The following ZSWIM5 variants were observed in gnomAD, a reference collection of about 807,000 sequenced individuals.
ZSWIM5 encodes the protein zinc finger SWIM domain-containing protein 5.
A neutral mutation model predicts 119.6 loss-of-function variants in ZSWIM5; 55 were observed. The observed-to-expected ratio is 0.46, with a 90% CI of 0.37 to 0.58. The LOEUF is 0.58. Among genes scored for constraint, ZSWIM5 ranks in the 20% least tolerant of loss-of-function variants. The pLI, the probability that ZSWIM5 is intolerant of heterozygous loss-of-function variation, is 0.00. For missense variants in ZSWIM5, 1,193 were observed against 1,512.8 expected (o/e 0.79, Z 3.51); for synonymous variants, 537 against 606.9 (o/e 0.88, Z 1.69).
intron 1 of ZSWIM5, among the ~76,000 whole-genome samples, chr1:45,160,989 A>ATTTTTTTTTTTTTTTTTTTTTTTTTT (rs534599856): frequency 1.4e-4 from 17 of 122,638 alleles, no homozygotes; most frequent in South Asian, 2.4e-4. Context: ...GCCCGGCTAA[A>ATTTTTTTTTTTTTTTTTTTTTTTTTT]TTTTTTTTTT....
intron 1 of ZSWIM5, among the ~76,000 whole-genome samples, chr1:45,181,198 C>T (rs1034719902): frequency 2.0e-5 from 3 of 151,942 alleles, no homozygotes; most frequent in Non-Finnish European, 2.9e-5. Context: ...AAAATTTAGA[C>T]GAATGAATAA....
At chr1:45,048,719 G>A (rs1226811082) in intron 5 of ZSWIM5, among the ~76,000 whole-genome samples, 1 of 152,166 alleles carries the variant, frequency 6.6e-6, no homozygotes, top group Non-Finnish European at 1.5e-5. Flanking sequence ...TTTTGAGGTT[G>A]AATGGCTAAG....
intron 11 of ZSWIM5, among the ~76,000 whole-genome samples, chr1:45,022,878 A>T (rs1215136966): frequency 6.6e-6 from 1 of 152,222 alleles, no homozygotes; most frequent in Non-Finnish European, 1.5e-5. Flanking sequence ...TATCTAATAC[A>T]ATGCCTATAC....
chr1:45,187,710 A>G (rs188464683), intron 1 of ZSWIM5, among the ~76,000 whole-genome samples: 2 of 152,338 alleles, frequency 1.3e-5, no homozygotes, highest in East Asian at 3.9e-4. Flanking sequence ...CTGATAACGG[A>G]CTAGTATCTA....
chr1:45,190,473 C>A (rs958740849), intron 1 of ZSWIM5, among the ~76,000 whole-genome samples: 6 of 152,190 alleles, frequency 3.9e-5, no homozygotes, highest in African/African-American at 1.4e-4. Context: ...TGATTTGCCT[C>A]CTAATTTTAC....
At chr1:45,137,703 T>C (rs1645698066) in intron 1 of ZSWIM5, among the ~76,000 whole-genome samples, 1 of 152,026 alleles carries the variant, frequency 6.6e-6, no homozygotes, top group South Asian at 2.1e-4. Flanking sequence ...AGGAGGACAT[T>C]ATGATTGGTG....
chr1:45,149,667 AG>A (rs1461079744), intron 1 of ZSWIM5, among the ~76,000 whole-genome samples: 1 of 152,216 alleles, frequency 6.6e-6, no homozygotes, highest in African/African-American at 2.4e-5. Flanking sequence ...TATCTATAAC[AG>A]GCTCATTACC....
intron 1 of ZSWIM5, among the ~76,000 whole-genome samples, chr1:45,134,156 T>A (rs1645675717): frequency 6.6e-6 from 1 of 152,204 alleles, no homozygotes. Flanking sequence ...AGAAAGTCAC[T>A]GGTAGCTTGA....
chr1:45,042,633 T>A (rs916720987), intron 6 of ZSWIM5, among the ~76,000 whole-genome samples: 1 of 152,204 alleles, frequency 6.6e-6, no homozygotes, highest in African/African-American at 2.4e-5. Flanking sequence ...TTAAAAAGAA[T>A]GTCTCTTTTG....
rs896346618 is a variant in ZSWIM5, at chr1:45,064,366, G to A, written c.953-4119C>T. ...ACTAAATTGAAATTTTTTAAAAATA[G>A]GGATTCATTTTTGTACTTCACAGTG... On this transcript the variant is annotated intron_variant, in intron 2 of 13. Transcript: ENST00000359600. Among the ~76,000 whole-genome samples, 6 of 152,166 alleles carry A rather than the reference G, an allele frequency of 3.9e-5. No individual in the cohort carries two copies. The South Asian group carries it at 1.2e-3, about 32-fold the overall frequency.
intron 1 of ZSWIM5, among the ~76,000 whole-genome samples, chr1:45,179,412 A>C (rs937601873): frequency 3.3e-5 from 5 of 152,112 alleles, no homozygotes; most frequent in Admixed American, 1.3e-4. Flanking sequence ...GTGGTTGTAA[A>C]AATGGGAACA....
chr1:45,090,148 C>A (rs1216536671), intron 1 of ZSWIM5, among the ~76,000 whole-genome samples: 1 of 152,064 alleles, frequency 6.6e-6, no homozygotes, highest in South Asian at 2.1e-4. Flanking sequence ...AAAATAAGAC[C>A]CAAATTTACA....
intron 2 of ZSWIM5, among the ~76,000 whole-genome samples, chr1:45,064,005 A>T (rs1475975328): frequency 6.6e-6 from 1 of 151,998 alleles, no homozygotes; most frequent in Non-Finnish European, 1.5e-5. Context: ...AAGAAATCAT[A>T]AAATTAGTGT....
At position 45,029,801 on chromosome 1, in the gene ZSWIM5, A is replaced by G. The variant is rs148662757; in HGVS notation, c.2449+4511T>C. Among the ~76,000 whole-genome samples the G allele has an allele frequency of 3.1e-3, 478 of 152,302 alleles. 2 individuals are homozygous for G. Among genetic ancestry groups the G allele is most frequent in the Admixed American group, 4.6e-3 (70 of 15,294 alleles). ...TCCTTTTATGGCTGAATAATATTCC[A>G]TTGTCTATATATACCACATTTTGTT... On this transcript the variant is annotated intron_variant, in intron 11 of 13. Coordinates refer to ENST00000359600, the MANE Select transcript of ZSWIM5 (RefSeq NM_020883.2).
At chr1:45,145,345 CAA>C (rs75896780) in intron 1 of ZSWIM5, among the ~76,000 whole-genome samples, 26 of 95,128 alleles carry the variant, frequency 2.7e-4, no homozygotes, top group African/African-American at 6.2e-4. Flanking sequence ...GTTACGTTAA[CAA>C]AAAAAAAAAA....
At chr1:45,185,055 T>C (rs1233259827) in intron 1 of ZSWIM5, among the ~76,000 whole-genome samples, 1 of 151,834 alleles carries the variant, frequency 6.6e-6, no homozygotes, top group Non-Finnish European at 1.5e-5. Context: ...AACAGAGATA[T>C]AGATCAATGG....
At chr1:45,082,162 C>T (rs543340693) in intron 2 of ZSWIM5, among the ~76,000 whole-genome samples, 28 of 151,594 alleles carry the variant, frequency 1.8e-4, no homozygotes, top group African/African-American at 6.6e-4. Flanking sequence ...ACTCCCTAAT[C>T]TCAAGTACCC....
intron 1 of ZSWIM5, among the ~76,000 whole-genome samples, chr1:45,176,738 C>T (rs1464439624): frequency 6.6e-6 from 1 of 151,964 alleles, no homozygotes; most frequent in African/African-American, 2.4e-5. Context: ...AAAACCTGCA[C>T]CTACTGCTGC....
chr1:45,047,017 CAAAA>C (rs35174853), intron 5 of ZSWIM5, among the ~76,000 whole-genome samples: 19 of 92,776 alleles, frequency 2.0e-4, no homozygotes, highest in Middle Eastern at 5.2e-3. Flanking sequence ...AACTCTGTCT[CAAAA>C]AAAAAAAAAA....
Sources: gnomAD v4.1 joint callset for allele counts (sites outside exome capture counted in the v4.1 genomes callset) on GRCh38, gnomAD v4.1.1 for gene constraint, MANE v1.5 for transcripts, NCBI Gene and HGNC (gene_info 2026-07-23, HGNC 2026-07-21) for gene names.